The following ARFGEF1 variants were observed in gnomAD, a reference collection of about 807,000 sequenced individuals.
The protein encoded by ARFGEF1 is ARF guanine nucleotide exchange factor 1.
In ARFGEF1, 42 loss-of-function variants were observed where a neutral mutation model predicts 231.0. That is an observed-to-expected ratio of 0.18 (90% CI 0.14 to 0.24). The LOEUF (loss-of-function observed/expected upper bound fraction) is 0.24. ARFGEF1 is among the 10% of genes least tolerant of loss of function. The pLI is 1.00. For synonymous variants in ARFGEF1, 710 were observed against 732.3 expected (o/e 0.97, Z 0.49); for missense variants, 1,345 against 2,192.0 (o/e 0.61, Z 7.72).
At chr8:67,176,395 C>T (rs954041535) in intron 5 of ARFGEF1, among the ~76,000 whole-genome samples, 2 of 152,088 alleles carry the variant, frequency 1.3e-5, no homozygotes, top group African/African-American at 4.8e-5. Flanking sequence ...AGTGATGCAG[C>T]AGTTTAGGCC....
At chr8:67,322,186 T>C (rs1010083421) in intron 1 of ARFGEF1, among the ~76,000 whole-genome samples, 3 of 152,186 alleles carry the variant, frequency 2.0e-5, no homozygotes, top group South Asian at 4.1e-4. Context: ...TCAGTGGTTT[T>C]CCAACCATCC....
rs1268545476 is a variant in ARFGEF1, at chr8:67,198,176, G to C, written c.*758C>G. ...ACCTTTTTTTCCCTATTGTTGAAGT[G>C]TCGGCCACAACAGCTTCTGGGCATG... On this transcript the variant is annotated 3_prime_UTR_variant, in exon 39 of 39. Transcript: ENST00000262215. The C allele has an allele frequency of 2.0e-6, 2 of 985,554 alleles. No individual in the cohort carries two copies. The highest frequency in any genetic ancestry group is 3.5e-5 in the African/African-American group (2 of 57,134). The allele number at this position is 985,554 out of a possible 1,614,324, so 61.1% of individuals were successfully genotyped here.
downstream of ARFGEF1, chr8:67,193,425 GTGTTAA>G: frequency 6.3e-7 from 1 of 1,583,658 alleles, no homozygotes. Flanking sequence ...AACATATTTT[GTGTTAA>G]TGACTTTCTG....
At chr8:67,329,609 A>G (rs1278697404) in intron 1 of ARFGEF1, among the ~76,000 whole-genome samples, 2 of 151,224 alleles carry the variant, frequency 1.3e-5, no homozygotes, top group Non-Finnish European at 3.0e-5. Context: ...AGAGCTAGAA[A>G]AAAAGCAAAT....
chr8:67,307,262 C>T (rs1806791532), intron 1 of ARFGEF1, among the ~76,000 whole-genome samples: 1 of 152,178 alleles, frequency 6.6e-6, no homozygotes, highest in South Asian at 2.1e-4. Flanking sequence ...AATGAATAAA[C>T]TCACAAAGGA....
intron 29 of ARFGEF1, among the ~76,000 whole-genome samples, chr8:67,221,909 G>A (rs1047505462): frequency 9.3e-5 from 14 of 151,112 alleles, no homozygotes; most frequent in African/African-American, 2.9e-4. Context: ...CACCTCCCAG[G>A]TTCAAGCCAT....
chr8:67,311,187 G>C (rs1166446555), intron 1 of ARFGEF1, among the ~76,000 whole-genome samples: 2 of 147,436 alleles, frequency 1.4e-5, no homozygotes, highest in African/African-American at 5.0e-5. Flanking sequence ...GCCCCCACTG[G>C]GAAGTGAGGA....
At chr8:67,327,015 C>T (rs1324861887) in intron 1 of ARFGEF1, among the ~76,000 whole-genome samples, 1 of 152,138 alleles carries the variant, frequency 6.6e-6, no homozygotes, top group Non-Finnish European at 1.5e-5. Flanking sequence ...ATCTAATACC[C>T]TAGTTAGGCA....
chr8:67,180,373 C>T (rs1414415548), intron 5 of ARFGEF1, among the ~76,000 whole-genome samples: 2 of 152,156 alleles, frequency 1.3e-5, no homozygotes, highest in East Asian at 1.9e-4. Context: ...ATTTACATAA[C>T]ATTTTTGAAA....
At chr8:67,315,729 T>C (rs1297123960) in intron 1 of ARFGEF1, among the ~76,000 whole-genome samples, 2 of 151,996 alleles carry the variant, frequency 1.3e-5, no homozygotes, top group African/African-American at 4.8e-5. Flanking sequence ...TTCTAAATAA[T>C]CCATGGGTCA....
In ARFGEF1 at chr8:67,331,734, G is replaced by GA. The variant is rs758367885; in HGVS notation, c.124+11429dup. Among the ~76,000 whole-genome samples, 259 of 146,286 alleles carry GA rather than the reference G, an allele frequency of 1.8e-3. 2 individuals carry two copies. The highest frequency in any genetic ancestry group is 3.5e-3 in the Middle Eastern group (1 of 288). On this transcript the variant is annotated intron_variant, in intron 1 of 38. Transcript: ENST00000262215. ...GTCTTTGTTTTTCACTCTTAGAACAGAAAAAAAAAATGCAAAGGAAAGATG... is the reference window on the plus strand; with the variant it reads ...GTCTTTGTTTTTCACTCTTAGAACAGAAAAAAAAAAATGCAAAGGAAAGATG...
At chr8:67,312,469 C>T (rs1807118818) in intron 1 of ARFGEF1, among the ~76,000 whole-genome samples, 1 of 151,996 alleles carries the variant, frequency 6.6e-6, no homozygotes, top group African/African-American at 2.4e-5. Flanking sequence ...TATAGATAAT[C>T]TGTGAAAAAT....
Position 67,343,318 on chromosome 8 carries a change from G to A in ARFGEF1, c.-31C>T, listed in dbSNP as rs2128941921. 1 of 1,604,974 alleles carries A rather than the reference G, an allele frequency of 6.2e-7. No homozygotes were observed. Among genetic ancestry groups the A allele is most frequent in the Non-Finnish European group, 8.5e-7 (1 of 1,174,650 alleles). ...CAGAGAAGGAGGCGGCGGCTCGTCC[G>A]ACCCGCGGCTCCCAGCGGCTGGAGG... On this transcript the variant is annotated 5_prime_UTR_variant, in exon 1 of 39. Coordinates refer to ENST00000262215, the MANE Select transcript of ARFGEF1 (RefSeq NM_006421.5).
At chr8:67,292,228 C>T (rs955376851) in intron 5 of ARFGEF1, 105 bp from the exon 6 acceptor site, 15 of 931,614 alleles carry the variant, frequency 1.6e-5, no homozygotes, top group African/African-American at 1.5e-4. Flanking sequence ...ATTCTCTCTA[C>T]GCTTGGAAAT....
At chr8:67,285,699 T>C (rs576300087) in intron 7 of ARFGEF1, among the ~76,000 whole-genome samples, 1 of 152,344 alleles carries the variant, frequency 6.6e-6, no homozygotes, top group East Asian at 1.9e-4. Context: ...TGTCATTATG[T>C]ACCAATTTAT....
chr8:67,327,317 G>GTTTTTTTTTTTTTTTTTTT (rs1563917789), intron 1 of ARFGEF1, among the ~76,000 whole-genome samples: 1 of 147,816 alleles, frequency 6.8e-6, no homozygotes, highest in African/African-American at 2.5e-5. Flanking sequence ...GATGACGTAC[G>GTTTTTTTTTTTTTTTTTTT]TCTTTTTTTT....
At chr8:67,182,251 C>T (rs371315749) in intron 5 of ARFGEF1, among the ~76,000 whole-genome samples, 9 of 152,206 alleles carry the variant, frequency 5.9e-5, no homozygotes, top group East Asian at 3.9e-4. Context: ...GATCCTCCTG[C>T]GGCCTCCCAA....
In ARFGEF1 at chr8:67,301,374, A is replaced by G. The variant is rs763825235; in HGVS notation, c.162T>C (p.Pro54=). Reference sequence around the variant, plus strand: ...TTGATCCAGCTTTTGCTTCTCCATGAGGAGGACTAAATGAGAAAGAAAAGT... The same window carrying G: ...TTGATCCAGCTTTTGCTTCTCCATGGGGAGGACTAAATGAGAAAGAAAAGT... ...IKAETEKQSP[P]HGEAKAGSST... is the part of the protein sequence containing the mutation. The change falls in exon 3 of 39, where the codon CCT becomes CCC. Residue 54 remains proline, a synonymous_variant. Transcript: ENST00000262215. 1 of 1,611,750 alleles carries G rather than the reference A, an allele frequency of 6.2e-7. No individual in the cohort carries two copies. The highest frequency in any genetic ancestry group is 1.1e-5 in the South Asian group (1 of 90,558).
chr8:67,240,658 TC>T (rs1442553945), intron 19 of ARFGEF1, among the ~76,000 whole-genome samples: 4 of 152,206 alleles, frequency 2.6e-5, no homozygotes, highest in Admixed American at 1.3e-4. Flanking sequence ...TCCAGTAAGA[TC>T]CTGTTAATCA....
Sources: allele counts gnomAD v4.1 joint callset (sites outside exome capture counted in the v4.1 genomes callset), GRCh38; gene constraint gnomAD v4.1.1; transcripts MANE v1.5; gene names NCBI Gene and HGNC (gene_info 2026-07-23, HGNC 2026-07-21).